TRHDE: variants seen among roughly 807,000 people sequenced by gnomAD.
TRHDE encodes the protein thyrotropin releasing hormone degrading enzyme.
In TRHDE, 72 loss-of-function variants were observed where a neutral mutation model predicts 125.7. That is an observed-to-expected ratio of 0.57 (90% CI 0.47 to 0.70). The LOEUF (loss-of-function observed/expected upper bound fraction) is 0.70. Ranked by LOEUF, TRHDE falls within the 30% of genes least tolerant of loss-of-function variation. The pLI is 0.00. For synonymous variants in TRHDE, 509 were observed against 509.1 expected (o/e 1.00, Z 0.00); for missense variants, 1,110 against 1,327.1 (o/e 0.84, Z 2.54).
intron 2 of TRHDE, among the ~76,000 whole-genome samples, chr12:72,336,503 T>C (rs1869835653): frequency 6.6e-6 from 1 of 152,206 alleles, no homozygotes; most frequent in Non-Finnish European, 1.5e-5. Context: ...TCCCTTTCTG[T>C]GTCTGTCTTC....
At chr12:72,613,194 T>G (rs973818854) in intron 12 of TRHDE, among the ~76,000 whole-genome samples, 2 of 152,188 alleles carry the variant, frequency 1.3e-5, no homozygotes, top group South Asian at 2.1e-4. Flanking sequence ...AATTTGCTAA[T>G]CAGAGAAAAA....
chr12:72,641,699 G>T (rs983811348), intron 15 of TRHDE, among the ~76,000 whole-genome samples: 11 of 152,106 alleles, frequency 7.2e-5, no homozygotes, highest in Non-Finnish European at 1.5e-4. Flanking sequence ...GCAAAGCAAT[G>T]AAAACATTCA....
rs180711074 is a variant in TRHDE at position 72,218,491 on chromosome 12, A to G, written n.279+112739A>G. Among the ~76,000 whole-genome samples the G allele has an allele frequency of 9.3e-4, 142 of 152,124 alleles. 2 individuals carry two copies. Among genetic ancestry groups the G allele is most frequent in the African/African-American group, 3.3e-3 (135 of 41,502 alleles). On this transcript the variant is annotated intron_variant and non_coding_transcript_variant, in intron 2 of 4. Transcript: ENST00000548156. ...GAATAACCCCATGTATTAGTTTCTT[A>G]AGGTTGCTGTAATAAATTACTACTA...
chr12:72,319,896 A>G (rs1868999347), intron 2 of TRHDE, among the ~76,000 whole-genome samples: 1 of 152,108 alleles, frequency 6.6e-6, no homozygotes, highest in Non-Finnish European at 1.5e-5. Flanking sequence ...ATAGCTGATG[A>G]TGTCTCCCTC....
chr12:72,571,689 TAAATGTA>T (rs1413842725), intron 10 of TRHDE, among the ~76,000 whole-genome samples: 1 of 152,072 alleles, frequency 6.6e-6, no homozygotes. Context: ...TGGAGAGGAA[TAAATGTA>T]ATGCCAAATG....
intron 3 of TRHDE, among the ~76,000 whole-genome samples, chr12:72,395,030 C>T (rs2135795298): frequency 6.6e-6 from 1 of 152,252 alleles, no homozygotes; most frequent in Admixed American, 6.5e-5. Flanking sequence ...TATGCATTAC[C>T]TAACATAGTT....
At chr12:72,106,032 A>G (rs1410503082) in intron 2 of TRHDE, among the ~76,000 whole-genome samples, 2 of 152,096 alleles carry the variant, frequency 1.3e-5, no homozygotes, top group Non-Finnish European at 2.9e-5. Context: ...ACATTAATGT[A>G]TTGCTGGTGG....
At chr12:72,514,674 A>G (rs1878753973) in intron 6 of TRHDE, among the ~76,000 whole-genome samples, 1 of 151,316 alleles carries the variant, frequency 6.6e-6, no homozygotes, top group Non-Finnish European at 1.5e-5. Flanking sequence ...TTCAGGGTAC[A>G]TGTGCACAAT....
intron 6 of TRHDE, among the ~76,000 whole-genome samples, chr12:72,517,112 G>T (rs1303510951): frequency 1.3e-5 from 2 of 151,334 alleles, no homozygotes; most frequent in Non-Finnish European, 2.9e-5. Context: ...TCTCTTTTTT[G>T]GTTGTGTCTC....
At position 72,664,764 on chromosome 12, in the gene TRHDE, T is replaced by C. The variant is rs1296789897; in HGVS notation, c.*1569T>C. 1.3e-5 allele frequency: 2 copies of C among 152,058 alleles called. No individual in the cohort carries two copies. The highest frequency in any genetic ancestry group is 4.8e-5 in the African/African-American group (2 of 41,440). The allele number at this position is 152,058 out of a possible 1,614,324, so 9.4% of individuals were successfully genotyped here. A position where few individuals can be genotyped will look rare whatever the true frequency, so the allele number is the denominator to read the frequency against. On this transcript the variant is annotated 3_prime_UTR_variant, in exon 19 of 19. Transcript: ENST00000261180. ...ATATATTCTAACAGTACGCACTGAA[T>C]AGTGAAAATAATTAGACATTTTAAG...
intron 10 of TRHDE, 66 bp from the exon 11 acceptor site, chr12:72,575,189 G>A: frequency 6.6e-7 from 1 of 1,525,646 alleles, no homozygotes; most frequent in Non-Finnish European, 9.0e-7. Context: ...CTGGCGTTAA[G>A]AAAACATACT....
intron 2 of TRHDE, among the ~76,000 whole-genome samples, chr12:72,149,934 G>A (rs941427706): frequency 1.4e-4 from 22 of 152,152 alleles, no homozygotes; most frequent in African/African-American, 5.3e-4. Flanking sequence ...CTTCATTAAT[G>A]GATTTTAAAT....
chr12:72,478,256 T>A (rs1462651658), intron 5 of TRHDE, among the ~76,000 whole-genome samples: 1 of 152,182 alleles, frequency 6.6e-6, no homozygotes, highest in Non-Finnish European at 1.5e-5. Flanking sequence ...GTCTTTTTGA[T>A]CCTGTTCAGT....
At chr12:72,503,185 C>T (rs116077376) in intron 6 of TRHDE, among the ~76,000 whole-genome samples, 1,618 of 152,052 alleles carry the variant, frequency 0.011, 25 homozygotes, top group African/African-American at 0.036. Flanking sequence ...TACTAGTCAC[C>T]GAACTAAGAT....
At chr12:72,381,034 T>G (rs908751604) in intron 3 of TRHDE, among the ~76,000 whole-genome samples, 2 of 152,170 alleles carry the variant, frequency 1.3e-5, no homozygotes, top group Admixed American at 6.5e-5. Context: ...TGATTCCCAA[T>G]TGGGGGACAA....
chr12:72,221,781 C>A (rs1878006091), intron 2 of TRHDE, among the ~76,000 whole-genome samples: 1 of 152,106 alleles, frequency 6.6e-6, no homozygotes, highest in Non-Finnish European at 1.5e-5. Flanking sequence ...CAGCTATCTA[C>A]TAACTAACTA....
At chr12:72,551,388 C>T (rs1869664882) in intron 7 of TRHDE, among the ~76,000 whole-genome samples, 1 of 152,046 alleles carries the variant, frequency 6.6e-6, no homozygotes, top group African/African-American at 2.4e-5. Flanking sequence ...CTGTATTCAC[C>T]TTCTCTCTTC....
At chr12:72,324,730 C>T (rs12297786) in intron 2 of TRHDE, among the ~76,000 whole-genome samples, 3,744 of 152,256 alleles carry the variant, frequency 0.025, 142 homozygotes, top group African/African-American at 0.086. Flanking sequence ...GGATAACTTT[C>T]TCCTGAAACA....
In TRHDE at chr12:72,563,074, T is replaced by G. The variant is rs200129654; in HGVS notation, c.2042+34T>G. On this transcript the variant is annotated intron_variant, in intron 9 of 18. Coordinates refer to ENST00000261180, the MANE Select transcript of TRHDE (RefSeq NM_013381.3). ...TTCTTTTTTACGTGAAAAATATTGT[T>G]TTTATTCTTACATTTGTAGGTTTAA... 1.0e-3 allele frequency: 1,462 copies of G among 1,443,240 alleles called. 10 individuals carry two copies. Among genetic ancestry groups the G allele is most frequent in the South Asian group, 3.2e-3 (243 of 76,690 alleles). The allele number at this position is 1,443,240 out of a possible 1,614,324, so 89.4% of individuals were successfully genotyped here. A position where few individuals can be genotyped will look rare whatever the true frequency, so the allele number is the denominator to read the frequency against.
Sources: gnomAD v4.1 joint callset for allele counts (sites outside exome capture counted in the v4.1 genomes callset) on GRCh38, gnomAD v4.1.1 for gene constraint, MANE v1.5 for transcripts, NCBI Gene and HGNC (gene_info 2026-07-23, HGNC 2026-07-21) for gene names.